PCDHGB6: variants seen among roughly 807,000 people sequenced by gnomAD.
The protein encoded by PCDHGB6 is protocadherin gamma subfamily B, 6.
Under a neutral mutation model 59.1 loss-of-function variants are expected in PCDHGB6, and 51 were observed. That is an observed-to-expected ratio of 0.86 (90% CI 0.69 to 1.09). The LOEUF (loss-of-function observed/expected upper bound fraction) is 1.09. Ranked by LOEUF, PCDHGB6 falls within the 50% of genes least tolerant of loss-of-function variation. The pLI is 0.00. For missense variants in PCDHGB6, 1,148 were observed against 1,205.1 expected (o/e 0.95, Z 0.70); for synonymous variants, 466 against 495.1 (o/e 0.94, Z 0.78).
At position 141,485,398 on chromosome 5, in the gene PCDHGB6, C is replaced by T. The variant is rs906016330; in HGVS notation, c.2419-9409C>T. The T allele has an allele frequency of 1.3e-5, 21 of 1,614,044 alleles. No individual in the cohort carries two copies. The highest frequency in any genetic ancestry group is 1.8e-5 in the Non-Finnish European group (21 of 1,179,928). On this transcript the variant is annotated intron_variant, in intron 1 of 3. Coordinates refer to ENST00000520790, the MANE Select transcript of PCDHGB6 (RefSeq NM_018926.3). This position sits in a 1 kb window ranked among gnomAD's most constrained non-coding sequence, Gnocchi z 5.7. ...CTGGAGAGGTGAACCAAAGACACTT[C>T]CGTGTGGATTTGGACAGCGGAGCCC...
chr5:141,494,076 G>A (rs538740530), intron 1 of PCDHGB6, among the ~76,000 whole-genome samples: 24 of 152,234 alleles, frequency 1.6e-4, no homozygotes, highest in African/African-American at 4.3e-4. Flanking sequence ...ATCCCTCCCC[G>A]CTGCATCCCT....
chr5:141,443,166 C>T (rs914863821), intron 1 of PCDHGB6, among the ~76,000 whole-genome samples: 2 of 152,124 alleles, frequency 1.3e-5, no homozygotes, highest in African/African-American at 4.8e-5. Context: ...ATTTCCCTAC[C>T]CATGTCCACT....
At position 141,476,193 on chromosome 5, in the gene PCDHGB6, T is replaced by C. The variant is rs1224461188; in HGVS notation, c.2419-18614T>C. On this transcript the variant is annotated intron_variant, in intron 1 of 3. Coordinates refer to ENST00000520790, the MANE Select transcript of PCDHGB6 (RefSeq NM_018926.3). The surrounding 1 kb of genome is among the most constrained non-coding windows in gnomAD (Gnocchi z 7.6). The stretch of plus-strand genomic sequence containing the variant: ...GGAGTTTTGCTTCTGCTTGGTGCCT[T>C]GAACAAGGCTTCCACGGTCATTCAC... The C allele has an allele frequency of 6.2e-7, 1 of 1,613,812 alleles. No homozygotes were observed. Among genetic ancestry groups the C allele is most frequent in the South Asian group, 1.1e-5 (1 of 91,068 alleles).
At chr5:141,421,296 G>C in intron 1 of PCDHGB6, 1 of 1,613,444 alleles carries the variant, frequency 6.2e-7, no homozygotes, top group Non-Finnish European at 8.5e-7. Context: ...TCCTGGGGAC[G>C]CTGCGGGGGT....
In PCDHGB6 at chr5:141,408,115, C is replaced by A. The variant is rs2095044760; in HGVS notation, c.-88C>A. 9.6e-6 allele frequency: 14 copies of A among 1,461,430 alleles called. No individual in the cohort carries two copies. Among genetic ancestry groups the A allele is most frequent in the South Asian group, 2.9e-5 (2 of 70,092 alleles). 90.5% of individuals were successfully genotyped at this position (1,461,430 alleles called of 1,614,324 possible). Reference sequence around the variant, plus strand: ...CCAGCTCCGAGACCCGGGACTCCTCCTGTCCTGGGCCGAATGCTCTTTTAG... The same window carrying A: ...CCAGCTCCGAGACCCGGGACTCCTCATGTCCTGGGCCGAATGCTCTTTTAG... On this transcript the variant is annotated 5_prime_UTR_variant, in exon 1 of 4. In the 5' UTR this introduces an upstream ATG that the reference lacks. Coordinates refer to ENST00000520790, the MANE Select transcript of PCDHGB6 (RefSeq NM_018926.3).
In PCDHGB6 at chr5:141,476,034, C is replaced by G. The variant is rs934044974; in HGVS notation, c.2419-18773C>G. On this transcript the variant is annotated intron_variant, in intron 1 of 3. Transcript: ENST00000520790. This position sits in a 1 kb window ranked among gnomAD's most constrained non-coding sequence, Gnocchi z 7.6. ...CCATGTCGGACTCGGCGCCCAGCGC[C>G]CAAGCGCTAACCCGCTGAAAGTTTC... The G allele has an allele frequency of 2.0e-6, 3 of 1,464,488 alleles. No homozygotes were observed. Among genetic ancestry groups the G allele is most frequent in the Non-Finnish European group, 2.7e-6 (3 of 1,100,656 alleles). 90.7% of individuals were successfully genotyped at this position (1,464,488 alleles called of 1,614,324 possible). A position where few individuals can be genotyped will look rare whatever the true frequency, so the allele number is the denominator to read the frequency against.
In PCDHGB6 at chr5:141,512,133, G is replaced by A. The variant is rs1394116556; in HGVS notation, c.*960G>A. ...CCACTACATAATAGGGCTCAGCCCA[G>A]GCAGCCAGCTTTGGGCTGAGCTAAC... On this transcript the variant is annotated 3_prime_UTR_variant, in exon 4 of 4. Coordinates refer to ENST00000520790, the MANE Select transcript of PCDHGB6 (RefSeq NM_018926.3). 3 of 152,708 alleles carry A rather than the reference G, an allele frequency of 2.0e-5. No homozygotes were observed. Among genetic ancestry groups the A allele is most frequent in the Non-Finnish European group, 2.9e-5 (2 of 68,102 alleles). 9.5% of individuals were successfully genotyped at this position (152,708 alleles called of 1,614,324 possible).
At chr5:141,426,586 G>A (rs2096944939) in intron 1 of PCDHGB6, 1 of 363,442 alleles carries the variant, frequency 2.8e-6, no homozygotes, top group African/African-American at 2.1e-5. Flanking sequence ...AAAATCCTCT[G>A]TGTCATACCC....
chr5:141,410,517 C>T lies in PCDHGB6; in HGVS notation c.2315C>T (p.Pro772Leu). The change falls in exon 1 of 4, where the codon CCC (proline) becomes CTC (leucine). Residue 772 changes from proline (P) to leucine (L), a missense_variant. Physicochemically the swap from Pro to Leu is moderately conservative, Grantham distance 98. This residue lies in a region of PCDHGB6 where 283 missense variants were observed against 318.6 expected (regional missense o/e 0.89). Coordinates refer to ENST00000520790, the MANE Select transcript of PCDHGB6 (RefSeq NM_018926.3). ...TTTAATTTCCTAAAATGCAGTGTGCCCCTACATTCCAATGAAGACATGGTT... is the reference window on the plus strand; with the variant it reads ...TTTAATTTCCTAAAATGCAGTGTGCTCCTACATTCCAATGAAGACATGGTT... ...KEFNFLKCSVPLHSNEDMVCS... is the reference protein window; with the variant it reads ...KEFNFLKCSVLLHSNEDMVCS... 6.2e-7 allele frequency: 1 copy of T among 1,613,926 alleles called. No individual in the cohort carries two copies. Among genetic ancestry groups the T allele is most frequent in the Non-Finnish European group, 8.5e-7 (1 of 1,179,882 alleles).
intron 2 of PCDHGB6, among the ~76,000 whole-genome samples, chr5:141,502,352 C>G (rs544911376): frequency 3.2e-4 from 49 of 151,888 alleles, no homozygotes; most frequent in African/African-American, 1.2e-3. Flanking sequence ...TTTTTAATGA[C>G]ATGGATATTT....
rs751905674 is a variant in PCDHGB6, at chr5:141,408,643, C to A, written c.441C>A (p.Ser147=). Residue 147 remains serine, a synonymous_variant, in exon 1 of 4, where the codon TCC becomes TCA. Coordinates refer to ENST00000520790, the MANE Select transcript of PCDHGB6 (RefSeq NM_018926.3). ...EIHLEIFESA[S]AGTRLSLDPA... is the part of the protein sequence containing the mutation. ...ATTTAGAAATTTTCGAATCTGCATCCGCTGGTACACGACTATCGCTTGACC... is the reference window on the plus strand; with the variant it reads ...ATTTAGAAATTTTCGAATCTGCATCAGCTGGTACACGACTATCGCTTGACC... 13 of 1,613,792 alleles carry A rather than the reference C, an allele frequency of 8.1e-6. No homozygotes were observed. The African/African-American group carries it at 1.6e-4, about 20-fold the overall frequency.
Position 141,490,440 on chromosome 5 carries a change from T to G in PCDHGB6, c.2419-4367T>G, listed in dbSNP as rs560525159. The G allele has an allele frequency of 6.2e-7, 1 of 1,614,206 alleles. No individual in the cohort carries two copies. The highest frequency in any genetic ancestry group is 1.7e-5 in the Admixed American group (1 of 60,026). On this transcript the variant is annotated intron_variant, in intron 1 of 3. Transcript: ENST00000520790. This position sits in a 1 kb window ranked among gnomAD's most constrained non-coding sequence, Gnocchi z 5.4. ...ACCTGCCATTTCAGATTAAGCCTTCTGAGAACCACTACTCGCTGCTAACCA... is the reference window on the plus strand; with the variant it reads ...ACCTGCCATTTCAGATTAAGCCTTCGGAGAACCACTACTCGCTGCTAACCA...
intron 1 of PCDHGB6, chr5:141,413,223 G>C (rs1454395834): frequency 6.2e-7 from 1 of 1,613,694 alleles, no homozygotes; most frequent in African/African-American, 1.3e-5. Flanking sequence ...ATTGCAGCGG[G>C]CTGGTCCTGC....
chr5:141,433,286 T>C (rs2097581877), intron 1 of PCDHGB6: 2 of 1,143,608 alleles, frequency 1.7e-6, no homozygotes, highest in African/African-American at 1.6e-5. Flanking sequence ...CTCAAACTCC[T>C]AGGCTCAAGC....
intron 1 of PCDHGB6, chr5:141,414,983 G>C: frequency 6.2e-7 from 1 of 1,613,716 alleles, no homozygotes; most frequent in Non-Finnish European, 8.5e-7. Context: ...AGAGACTCCG[G>C]CCAGAACGCC....
At chr5:141,417,621 A>G in intron 1 of PCDHGB6, 1 of 662,852 alleles carries the variant, frequency 1.5e-6, no homozygotes, top group Non-Finnish European at 2.4e-6. Context: ...GTGCAGAGCA[A>G]GCGCTGACGC....
chr5:141,421,960 CA>C, intron 1 of PCDHGB6: 1 of 1,612,526 alleles, frequency 6.2e-7, no homozygotes, highest in Admixed American at 1.7e-5. Flanking sequence ...AATGTTTACA[CA>C]GTCCGTATAT....
Position 141,490,351 on chromosome 5 carries a change from T to C in PCDHGB6, c.2419-4456T>C. Reference sequence around the variant, plus strand: ...CACACCAGTGGGCACAGTAGTGGGGTTGTTTAATGTGCGAGACCGGGACTC... The same window carrying C: ...CACACCAGTGGGCACAGTAGTGGGGCTGTTTAATGTGCGAGACCGGGACTC... On this transcript the variant is annotated intron_variant, in intron 1 of 3. Transcript: ENST00000520790. The surrounding 1 kb of genome is among the most constrained non-coding windows in gnomAD (Gnocchi z 5.4). 6.2e-7 allele frequency: 1 copy of C among 1,614,028 alleles called. No individual in the cohort carries two copies. The highest frequency in any genetic ancestry group is 1.3e-5 in the African/African-American group (1 of 74,976).
chr5:141,436,040 C>T (rs989038133), intron 1 of PCDHGB6, among the ~76,000 whole-genome samples: 1 of 152,060 alleles, frequency 6.6e-6, no homozygotes, highest in African/African-American at 2.4e-5. Context: ...TTTGTATTTA[C>T]ATTAGTTTTC....
Sources: allele counts gnomAD v4.1 joint callset (sites outside exome capture counted in the v4.1 genomes callset), GRCh38; gene constraint gnomAD v4.1.1; regional missense constraint gnomAD v4.1.1; non-coding constraint Gnocchi (gnomAD v3.1); transcripts MANE v1.5; gene names NCBI Gene and HGNC (gene_info 2026-07-23, HGNC 2026-07-21).